KAZN: variants seen among roughly 807,000 people sequenced by gnomAD.
KAZN encodes kazrin.
In KAZN, 40 loss-of-function variants were observed where a neutral mutation model predicts 87.4. That is an observed-to-expected ratio of 0.46 (90% CI 0.36 to 0.60). The LOEUF (loss-of-function observed/expected upper bound fraction) is 0.60. Ranked by LOEUF, KAZN falls within the 20% of genes least tolerant of loss-of-function variation. The probability of loss-of-function intolerance (pLI) is 0.00; values close to 1 mark genes in which losing one functional copy is unlikely to be tolerated. For synonymous variants in KAZN, 466 were observed against 458.3 expected (o/e 1.02, Z -0.22); for missense variants, 898 against 1,073.9 (o/e 0.84, Z 2.29).
At chr1:14,941,627 A>T (rs1374229531) in intron 1 of KAZN, among the ~76,000 whole-genome samples, 1 of 152,148 alleles carries the variant, frequency 6.6e-6, no homozygotes, top group Non-Finnish European at 1.5e-5. Context: ...GCAGGTGTAC[A>T]TGCAGAGAAG....
intron 1 of KAZN, among the ~76,000 whole-genome samples, chr1:14,678,369 T>A (rs567352788): frequency 2.6e-5 from 4 of 152,318 alleles, no homozygotes; most frequent in African/African-American, 9.6e-5. Flanking sequence ...ACTCTTGGAC[T>A]TAACACCAGT....
intron 2 of KAZN, among the ~76,000 whole-genome samples, chr1:14,426,306 C>T (rs1412668146): frequency 1.3e-5 from 2 of 152,224 alleles, no homozygotes; most frequent in African/African-American, 4.8e-5. Flanking sequence ...ACCCCACATT[C>T]ACTCTGAGAC....
intron 2 of KAZN, among the ~76,000 whole-genome samples, chr1:14,356,989 A>G (rs1356285976): frequency 6.6e-6 from 1 of 152,116 alleles, no homozygotes; most frequent in African/African-American, 2.4e-5. Flanking sequence ...TGATAGGGAT[A>G]GCATTGAATC....
intron 2 of KAZN, among the ~76,000 whole-genome samples, chr1:14,269,513 G>T (rs754749783): frequency 3.9e-5 from 6 of 152,122 alleles, no homozygotes; most frequent in Non-Finnish European, 8.8e-5. Flanking sequence ...TCCTCCCAGG[G>T]AACTGGGAGA....
chr1:14,471,792 C>T (rs1668469605), intron 2 of KAZN, among the ~76,000 whole-genome samples: 1 of 152,178 alleles, frequency 6.6e-6, no homozygotes, highest in Non-Finnish European at 1.5e-5. Flanking sequence ...TGTTTGCCCA[C>T]AAGTGTTCAG....
At chr1:14,854,672 C>G (rs752267452) in intron 1 of KAZN, among the ~76,000 whole-genome samples, 4 of 152,088 alleles carry the variant, frequency 2.6e-5, no homozygotes. Context: ...AGGCATTAGA[C>G]CATTCAATGA....
At chr1:14,600,148 TG>T (rs1676844648) in intron 1 of KAZN, among the ~76,000 whole-genome samples, 1 of 152,150 alleles carries the variant, frequency 6.6e-6, no homozygotes, top group Non-Finnish European at 1.5e-5. Flanking sequence ...ACAGTATCAC[TG>T]GTTATTAATA....
chr1:14,217,679 A>G (rs1646989135), intron 2 of KAZN, among the ~76,000 whole-genome samples: 1 of 152,178 alleles, frequency 6.6e-6, no homozygotes, highest in Non-Finnish European at 1.5e-5. Flanking sequence ...TGTTTAAATT[A>G]CATATTGAAA....
rs553521061 is a variant in KAZN at position 14,487,842 on chromosome 1, G to A, written c.250-111141G>A. 1.2e-4 allele frequency among the ~76,000 whole-genome samples: 18 copies of A among 152,304 alleles called. No individual in the cohort carries two copies. The South Asian group carries it at 1.2e-3, about 11-fold the overall frequency. ...TGGGGCAGAAGGTCATTTGTGGCTT[G>A]CAGATCTGGGTAGATAGTGCTGCCT... On this transcript the variant is annotated intron_variant, in intron 2 of 16. Transcript: ENST00000636203.
chr1:15,042,713 T>G (rs1251530616), intron 3 of KAZN, among the ~76,000 whole-genome samples: 2 of 152,220 alleles, frequency 1.3e-5, no homozygotes, highest in African/African-American at 2.4e-5. Flanking sequence ...GCTACAGCTC[T>G]GACAGCCACA....
At chr1:14,618,500 T>C (rs1572059560) in intron 1 of KAZN, among the ~76,000 whole-genome samples, 1 of 152,310 alleles carries the variant, frequency 6.6e-6, no homozygotes, top group Admixed American at 6.5e-5. Flanking sequence ...ATGAAGATAA[T>C]AAGTGACACT....
chr1:15,015,447 G>A (rs1020516360), intron 2 of KAZN, among the ~76,000 whole-genome samples: 3 of 152,104 alleles, frequency 2.0e-5, no homozygotes, highest in Non-Finnish European at 2.9e-5. Flanking sequence ...CACCGGGCCC[G>A]GCCATAAAAA....
chr1:14,860,317 G>A (rs1355949803), intron 1 of KAZN, among the ~76,000 whole-genome samples: 1 of 151,994 alleles, frequency 6.6e-6, no homozygotes, highest in Non-Finnish European at 1.5e-5. Flanking sequence ...TCACCCTCCT[G>A]AGTAGCTGGG....
intron 2 of KAZN, among the ~76,000 whole-genome samples, chr1:14,321,222 A>G (rs1401764250): frequency 1.3e-5 from 2 of 152,160 alleles, no homozygotes; most frequent in Non-Finnish European, 1.5e-5. Flanking sequence ...ATTGATCGAG[A>G]TGTGGGCAAA....
At chr1:14,335,762 G>A (rs752130939) in intron 2 of KAZN, among the ~76,000 whole-genome samples, 3 of 145,254 alleles carry the variant, frequency 2.1e-5, no homozygotes, top group South Asian at 4.2e-4. Flanking sequence ...CACACACACA[G>A]AGAGAGAGAG....
At chr1:14,109,108 G>A (rs1313522766) in intron 1 of KAZN, among the ~76,000 whole-genome samples, 4 of 152,276 alleles carry the variant, frequency 2.6e-5, no homozygotes, top group Middle Eastern at 3.4e-3. Flanking sequence ...GAAAGACACC[G>A]CATGACAGAG....
intron 1 of KAZN, among the ~76,000 whole-genome samples, chr1:14,813,977 C>T (rs960150698): frequency 2.6e-5 from 4 of 152,204 alleles, no homozygotes; most frequent in African/African-American, 7.2e-5. Flanking sequence ...TGAGCTTACT[C>T]ATCCCCCAGG....
intron 2 of KAZN, among the ~76,000 whole-genome samples, chr1:14,467,674 C>CAAAAAAAAA (rs36034022): frequency 6.5e-5 from 5 of 77,344 alleles, no homozygotes; most frequent in Admixed American, 3.0e-4. Context: ...ATCCAAAAGG[C>CAAAAAAAAA]AAAAAAAAAA....
chr1:13,935,862 ATGTGTGTGTGTGTGTGTGTGTGTGTGTG>A lies in KAZN; in HGVS notation c.91+42118_91+42145del, dbSNP rs143281844. 9.6e-3 allele frequency among the ~76,000 whole-genome samples: 1,197 copies of A among 124,232 alleles called. 16 individuals carry two copies. The highest frequency in any genetic ancestry group is 0.032 in the African/African-American group (1,098 of 34,172). 81.5% of individuals were successfully genotyped at this position (124,232 alleles called of 152,430 possible). On this transcript the variant is annotated intron_variant, in intron 1 of 16. Coordinates refer to the KAZN transcript ENST00000636203. Reference sequence around the variant, plus strand: ...TGTGGATAATTACTTTTACATCCTAATGTGTGTGTGTGTGTGTGTGTGTGTGTGTGTGTGTGTGTAGAATCAGATAAAT... The same window carrying A: ...TGTGGATAATTACTTTTACATCCTAATGTGTGTGTGTAGAATCAGATAAAT...
Sources: gnomAD v4.1 joint callset for allele counts (sites outside exome capture counted in the v4.1 genomes callset) on GRCh38, gnomAD v4.1.1 for gene constraint, MANE v1.5 for transcripts, NCBI Gene and HGNC (gene_info 2026-07-23, HGNC 2026-07-21) for gene names.